PDE12: variants seen among roughly 807,000 people sequenced by gnomAD.
PDE12 encodes the protein phosphodiesterase 12.
In PDE12, 26 loss-of-function variants were observed where a neutral mutation model predicts 45.4. The observed-to-expected ratio is 0.57, with a 90% CI of 0.42 to 0.79. The LOEUF is 0.79. PDE12 is among the 30% of genes least tolerant of loss of function. The pLI, the probability that PDE12 is intolerant of heterozygous loss-of-function variation, is 0.00. For synonymous variants in PDE12, 283 were observed against 323.9 expected (o/e 0.87, Z 1.36); for missense variants, 668 against 790.0 (o/e 0.85, Z 1.85).
the PDE12 span, among the ~76,000 whole-genome samples, chr3:57,587,708 G>A: frequency 6.6e-6 from 1 of 152,006 alleles, no homozygotes; most frequent in African/African-American, 2.4e-5. Flanking sequence ...AAAAAGGGAA[G>A]TGTTTACAAA....
At chr3:57,603,685 C>A in the PDE12 span, among the ~76,000 whole-genome samples, 1 of 150,340 alleles carries the variant, frequency 6.7e-6, no homozygotes, top group African/African-American at 2.5e-5. Flanking sequence ...TGCAATGGCG[C>A]GATCTCAGCT....
chr3:57,567,291 G>T (rs1185568481), downstream of PDE12, among the ~76,000 whole-genome samples: 1 of 150,442 alleles, frequency 6.6e-6, no homozygotes, highest in Non-Finnish European at 1.5e-5. Flanking sequence ...TAGCCTGGGT[G>T]ACAGAGCACG....
At chr3:57,584,183 G>C in the PDE12 span, 1 of 699,910 alleles carries the variant, frequency 1.4e-6, no homozygotes, top group Non-Finnish European at 2.4e-6. Flanking sequence ...GGCTGGTCTT[G>C]AACTCCTGGG....
chr3:57,640,450 G>A, the PDE12 span, among the ~76,000 whole-genome samples: 5 of 150,040 alleles, frequency 3.3e-5, no homozygotes, highest in Admixed American at 1.3e-4. Context: ...AAAATTAGCC[G>A]GGCAAGGAGG....
the PDE12 span, among the ~76,000 whole-genome samples, chr3:57,633,943 T>A: frequency 6.6e-6 from 1 of 152,022 alleles, no homozygotes; most frequent in African/African-American, 2.4e-5. Flanking sequence ...TTATATTTGC[T>A]ATACTATACT....
At chr3:57,615,067 T>C in the PDE12 span, among the ~76,000 whole-genome samples, 1 of 151,098 alleles carries the variant, frequency 6.6e-6, no homozygotes, top group East Asian at 2.0e-4. Context: ...CACCCGCCAC[T>C]GCACCTGGCT....
the PDE12 span, chr3:57,584,143 A>AAC: frequency 1.4e-6 from 1 of 727,810 alleles, no homozygotes; most frequent in East Asian, 2.7e-5. Context: ...CCTAAACATC[A>AAC]ACAGAGACAA....
chr3:57,614,863 G>A, the PDE12 span, among the ~76,000 whole-genome samples: 9 of 151,768 alleles, frequency 5.9e-5, no homozygotes, highest in African/African-American at 1.9e-4. Context: ...CGTGGTGGCA[G>A]GCGCTTGTAA....
the PDE12 span, chr3:57,596,737 G>A: frequency 1.0e-5 from 3 of 288,156 alleles, no homozygotes; most frequent in Non-Finnish European, 2.0e-5. Flanking sequence ...CGCACCCCCA[G>A]AAAGGGCCTC....
At chr3:57,593,354 C>G in the PDE12 span, among the ~76,000 whole-genome samples, 6 of 151,960 alleles carry the variant, frequency 3.9e-5, no homozygotes, top group Non-Finnish European at 8.8e-5. Context: ...AGAGGAAAAA[C>G]ATAAAAAAAT....
At chr3:57,581,736 G>A in the PDE12 span, among the ~76,000 whole-genome samples, 2 of 152,264 alleles carry the variant, frequency 1.3e-5, no homozygotes, top group South Asian at 4.1e-4. Context: ...GGAGGCAGAG[G>A]TTGCAGTGAG....
In PDE12 at chr3:57,556,490, C is replaced by T; in HGVS notation, c.111C>T (p.Arg37=). 2 of 1,613,060 alleles carry T rather than the reference C, an allele frequency of 1.2e-6. No individual in the cohort carries two copies. Among genetic ancestry groups the T allele is most frequent in the Non-Finnish European group, 1.7e-6 (2 of 1,179,836 alleles). The change falls in exon 1 of 3, where the codon CGC becomes CGT. Residue 37 remains arginine (R), a synonymous_variant. Transcript: ENST00000311180. The surrounding 1 kb of genome is among the most constrained non-coding windows in gnomAD (Gnocchi z 5.0). ...AGACAGCGGCGGGAGCGATGGAGCGCGCTGTAGTGCGCTGCGTACCTTCGG... is the reference window on the plus strand; with the variant it reads ...AGACAGCGGCGGGAGCGATGGAGCGTGCTGTAGTGCGCTGCGTACCTTCGG... ...GSQTAAGAME[R]AVVRCVPSEP... is the part of the protein sequence containing the mutation.
At chr3:57,577,133 G>A in the PDE12 span, among the ~76,000 whole-genome samples, 9 of 151,260 alleles carry the variant, frequency 6.0e-5, no homozygotes, top group Middle Eastern at 3.5e-3. Flanking sequence ...TTTTTAAAAC[G>A]CTCTATAAGA....
At chr3:57,636,694 T>C in the PDE12 span, among the ~76,000 whole-genome samples, 1 of 151,984 alleles carries the variant, frequency 6.6e-6, no homozygotes, top group East Asian at 1.9e-4. Context: ...CTCAGCACTT[T>C]GGAAAGCTGA....
chr3:57,561,801 ATTG>A lies in PDE12; in HGVS notation c.*1800_*1802del. 1 of 984,434 alleles carries A rather than the reference ATTG, an allele frequency of 1.0e-6. No individual in the cohort carries two copies. The highest frequency in any genetic ancestry group is 1.2e-6 in the Non-Finnish European group (1 of 829,032). The allele number at this position is 984,434 out of a possible 1,614,324, so 61.0% of individuals were successfully genotyped here. A position where few individuals can be genotyped will look rare whatever the true frequency, so the allele number is the denominator to read the frequency against. On this transcript the variant is annotated 3_prime_UTR_variant, in exon 3 of 3. Coordinates refer to ENST00000311180, the MANE Select transcript of PDE12 (RefSeq NM_177966.7). Reference sequence around the variant, plus strand: ...TCATATTCTGCTCACTATCAAATGTATTGTTAACACTTAGTAAGTTTGAAAATG... The same window carrying A: ...TCATATTCTGCTCACTATCAAATGTATTAACACTTAGTAAGTTTGAAAATG...
At chr3:57,589,398 A>G in the PDE12 span, among the ~76,000 whole-genome samples, 1 of 152,062 alleles carries the variant, frequency 6.6e-6, no homozygotes, top group Non-Finnish European at 1.5e-5. Context: ...ACTGCAATTC[A>G]GCGTAAGCAA....
chr3:57,564,415 C>T lies in PDE12; in HGVS notation c.*4411C>T, dbSNP rs2069758423. 1 of 152,190 alleles carries T rather than the reference C, an allele frequency of 6.6e-6. No homozygotes were observed. The highest frequency in any genetic ancestry group is 6.5e-5 in the Admixed American group (1 of 15,268). The allele number at this position is 152,190 out of a possible 1,614,324, so 9.4% of individuals were successfully genotyped here. A position where few individuals can be genotyped will look rare whatever the true frequency, so the allele number is the denominator to read the frequency against. Reference sequence around the variant, plus strand: ...AGAAAACTGAATTATTCATCTCTATCTTCTGTCCAATTTATGTAATGAATG... The same window carrying T: ...AGAAAACTGAATTATTCATCTCTATTTTCTGTCCAATTTATGTAATGAATG... On this transcript the variant is annotated 3_prime_UTR_variant, in exon 3 of 3. Coordinates refer to ENST00000311180, the MANE Select transcript of PDE12 (RefSeq NM_177966.7).
At chr3:57,605,619 G>A in the PDE12 span, among the ~76,000 whole-genome samples, 5 of 151,958 alleles carry the variant, frequency 3.3e-5, no homozygotes, top group African/African-American at 9.7e-5. Context: ...AGAACAAACC[G>A]CACAAGGATT....
Position 57,559,352 on chromosome 3 carries a change from T to TAC in PDE12, c.1351_1352insAC (p.Cys451TyrfsTer24). On this transcript the variant is annotated frameshift_variant, in exon 2 of 3. Coordinates refer to ENST00000311180, the MANE Select transcript of PDE12 (RefSeq NM_177966.7). LOFTEE classifies it high-confidence loss of function. ...TACAAAGGACTCTTCTAAAAGGATA[T>TAC]GTGTTGCTAATACCCATCTTTACTG... 6.2e-7 allele frequency: 1 copy of TAC among 1,613,204 alleles called. No individual in the cohort carries two copies. Among genetic ancestry groups the TAC allele is most frequent in the Non-Finnish European group, 8.5e-7 (1 of 1,179,138 alleles).
Sources: gnomAD v4.1 joint callset for allele counts (sites outside exome capture counted in the v4.1 genomes callset) on GRCh38, gnomAD v4.1.1 for gene constraint, Gnocchi (gnomAD v3.1) non-coding constraint, MANE v1.5 for transcripts, NCBI Gene and HGNC (gene_info 2026-07-23, HGNC 2026-07-21) for gene names.